Variants in PRKCE observed in about 807,000 individuals in gnomAD.
PRKCE encodes the protein protein kinase C epsilon, also known as protein kinase C epsilon type.
A neutral mutation model predicts 85.4 loss-of-function variants in PRKCE; 16 were observed. The observed-to-expected ratio is 0.19, with a 90% CI of 0.13 to 0.28. The LOEUF (loss-of-function observed/expected upper bound fraction) is 0.28, where lower values mean the gene tolerates loss of function less well. Among genes scored for constraint, PRKCE ranks in the 10% least tolerant of loss-of-function variants. The pLI is 1.00. For missense variants in PRKCE, 573 were observed against 975.2 expected, an observed-to-expected ratio of 0.59 and a Z score of 5.49; for synonymous variants, 388 against 371.5, an observed-to-expected ratio of 1.04 and a Z score of -0.51.
intron 2 of PRKCE, among the ~76,000 whole-genome samples, chr2:45,968,231 G>A (rs1701863804): frequency 1.7e-5 from 2 of 119,030 alleles, no homozygotes; most frequent in African/African-American, 6.9e-5. Flanking sequence ...CAGTCAATGA[G>A]TGGATAAAGA....
In PRKCE at chr2:45,822,757, G is replaced by C. The variant is rs1476674816; in HGVS notation, c.349-20243G>C. Among the ~76,000 whole-genome samples, 3 of 152,180 alleles carry C rather than the reference G, an allele frequency of 2.0e-5. No individual in the cohort carries two copies. In the East Asian group the frequency reaches 5.8e-4, roughly 29 times the overall value. On this transcript the variant is annotated intron_variant, in intron 1 of 14. Transcript: ENST00000306156. ...CCATCATTGCTAAGACTTTTCTATAGATTTCTCTTTTCTGCCTTAGTTAGG... is the reference window on the plus strand; with the variant it reads ...CCATCATTGCTAAGACTTTTCTATACATTTCTCTTTTCTGCCTTAGTTAGG...
chr2:45,929,416 C>T (rs1347050708), intron 2 of PRKCE, among the ~76,000 whole-genome samples: 1 of 152,108 alleles, frequency 6.6e-6, no homozygotes, highest in African/African-American at 2.4e-5. Context: ...GCTTTTTAAC[C>T]GTGTTTAATT....
chr2:46,179,025 C>T (rs149395193), intron 14 of PRKCE, among the ~76,000 whole-genome samples: 1 of 152,064 alleles, frequency 6.6e-6, no homozygotes, highest in African/African-American at 2.4e-5. Context: ...TCAGGTCACA[C>T]CCCATGAGGC....
intron 1 of PRKCE, among the ~76,000 whole-genome samples, chr2:45,765,217 G>A (rs1684817261): frequency 6.6e-6 from 1 of 152,182 alleles, no homozygotes; most frequent in South Asian, 2.1e-4. Flanking sequence ...ATTCTTCAGT[G>A]TTTCCTTTAT....
In PRKCE at chr2:46,145,758, C is replaced by T. The variant is rs1225707925; in HGVS notation, c.1731+527C>T. Among the ~76,000 whole-genome samples the T allele has an allele frequency of 6.6e-6, 1 of 151,972 alleles. No homozygotes were observed. The highest frequency in any genetic ancestry group is 2.4e-5 in the African/African-American group (1 of 41,368). On this transcript the variant is annotated intron_variant, in intron 12 of 14. Transcript: ENST00000306156. This position sits in a 1 kb window ranked among gnomAD's most constrained non-coding sequence, Gnocchi z 4.6. ...TGGTGCAAACCTGTAGTCCCAGCTACTTGGGAGGCTGAGGTGAAAGGATCA... is the reference window on the plus strand; with the variant it reads ...TGGTGCAAACCTGTAGTCCCAGCTATTTGGGAGGCTGAGGTGAAAGGATCA...
intron 6 of PRKCE, chr2:46,000,857 C>T (rs963046350): frequency 1.3e-5 from 2 of 152,218 alleles, no homozygotes; most frequent in African/African-American, 2.4e-5. Context: ...ATTCTGGGAG[C>T]AGCAGTTTCA....
chr2:46,010,405 A>C lies in PRKCE; in HGVS notation c.1325A>C (p.Asp442Ala). ...EVYAVKVLKKDVILQDDDVDC... is the reference protein window; with the variant it reads ...EVYAVKVLKKAVILQDDDVDC... ...TATGCTGTGAAGGTCTTAAAGAAGGACGTCATCCTTCAGGATGATGACGTG... is the reference window on the plus strand; with the variant it reads ...TATGCTGTGAAGGTCTTAAAGAAGGCCGTCATCCTTCAGGATGATGACGTG... Residue 442 changes from aspartate (D) to alanine (A), a missense_variant, in exon 10 of 15, where the codon GAC (aspartate) becomes GCC (alanine). By Grantham distance (126) the Asp-to-Ala change is moderately radical (BLOSUM62 -2). This residue lies in a region of PRKCE where 89 missense variants were observed against 154.1 expected (regional missense o/e 0.58). Transcript: ENST00000306156. The C allele has an allele frequency of 1.3e-6, 2 of 1,599,672 alleles. No homozygotes were observed. Among genetic ancestry groups the C allele is most frequent in the Non-Finnish European group, 1.7e-6 (2 of 1,179,932 alleles).
At chr2:46,003,360 C>T (rs1228131905) in intron 7 of PRKCE, among the ~76,000 whole-genome samples, 1 of 152,190 alleles carries the variant, frequency 6.6e-6, no homozygotes, top group African/African-American at 2.4e-5. Context: ...GTCTAAACCA[C>T]TGATGTTAAT....
At chr2:45,720,305 C>T (rs1336804631) in intron 1 of PRKCE, among the ~76,000 whole-genome samples, 2 of 152,080 alleles carry the variant, frequency 1.3e-5, no homozygotes, top group Admixed American at 6.5e-5. Flanking sequence ...TTCCACCTAT[C>T]GGTTGGTAAA....
chr2:46,102,605 T>G (rs1342168484), intron 11 of PRKCE, among the ~76,000 whole-genome samples: 1 of 152,196 alleles, frequency 6.6e-6, no homozygotes, highest in African/African-American at 2.4e-5. Flanking sequence ...GAATATCATA[T>G]TACATTTAGT....
intron 1 of PRKCE, among the ~76,000 whole-genome samples, chr2:45,837,798 C>T (rs142135226): frequency 0.016 from 2,402 of 152,206 alleles, 28 homozygotes; most frequent in Middle Eastern, 0.024. Context: ...GGTTTGGGCC[C>T]AGGAGTTTCA....
chr2:45,808,312 T>C (rs1444434090), intron 1 of PRKCE, among the ~76,000 whole-genome samples: 1 of 152,104 alleles, frequency 6.6e-6, no homozygotes, highest in Non-Finnish European at 1.5e-5. Context: ...AATTGACAAT[T>C]GTAGGTTTGG....
chr2:45,976,147 G>A (rs1702437839), intron 2 of PRKCE, among the ~76,000 whole-genome samples: 1 of 152,178 alleles, frequency 6.6e-6, no homozygotes, highest in Non-Finnish European at 1.5e-5. Flanking sequence ...GCCTGTGTGG[G>A]GAGGAAAGGG....
At chr2:46,153,595 C>T (rs1676860788) in intron 13 of PRKCE, among the ~76,000 whole-genome samples, 1 of 152,026 alleles carries the variant, frequency 6.6e-6, no homozygotes, top group Non-Finnish European at 1.5e-5. Flanking sequence ...GGCGTCTGTT[C>T]AGAAGGAAGA....
intron 1 of PRKCE, among the ~76,000 whole-genome samples, chr2:45,770,256 A>T (rs867493542): frequency 2.0e-5 from 3 of 152,254 alleles, no homozygotes; most frequent in Middle Eastern, 6.8e-3. Flanking sequence ...CTGGTCAGGG[A>T]CAATCTGGAA....
chr2:46,047,516 G>A (rs1233878834), intron 10 of PRKCE, among the ~76,000 whole-genome samples: 1 of 152,184 alleles, frequency 6.6e-6, no homozygotes, highest in Admixed American at 6.5e-5. Flanking sequence ...AGTGGAAGGA[G>A]GCCTTTACTT....
intron 1 of PRKCE, among the ~76,000 whole-genome samples, chr2:45,791,296 C>T (rs938602737): frequency 1.2e-4 from 18 of 152,120 alleles, no homozygotes; most frequent in African/African-American, 3.9e-4. Context: ...AATAACAGAA[C>T]GCGAGAGATG....
chr2:46,125,380 G>A (rs765300497), intron 11 of PRKCE, among the ~76,000 whole-genome samples: 3 of 152,156 alleles, frequency 2.0e-5, no homozygotes, highest in Admixed American at 6.5e-5. Context: ...ACTTTGGGGG[G>A]ACATTTTAGG....
At chr2:45,745,657 C>G (rs534367169) in intron 1 of PRKCE, among the ~76,000 whole-genome samples, 1 of 152,178 alleles carries the variant, frequency 6.6e-6, no homozygotes, top group Non-Finnish European at 1.5e-5. Context: ...AATTTGGCAT[C>G]TGGCGGCTAA....
Sources: gnomAD v4.1 joint callset for allele counts (sites outside exome capture counted in the v4.1 genomes callset) on GRCh38, gnomAD v4.1.1 for gene constraint, gnomAD v4.1.1 regional missense constraint, Gnocchi (gnomAD v3.1) non-coding constraint, MANE v1.5 for transcripts, NCBI Gene and HGNC (gene_info 2026-07-23, HGNC 2026-07-21) for gene names.